Variants in PPCDC observed in about 807,000 individuals in gnomAD.
PPCDC encodes phosphopantothenoylcysteine decarboxylase.
In PPCDC, 20 loss-of-function variants were observed where a neutral mutation model predicts 20.7. That is an observed-to-expected ratio of 0.97 (90% CI 0.68 to 1.41). PPCDC has a LOEUF of 1.41. PPCDC is among the 40% of genes most tolerant of loss of function. The probability of loss-of-function intolerance (pLI) is 0.00; values close to 1 mark genes in which losing one functional copy is unlikely to be tolerated. For synonymous variants in PPCDC, 88 were observed against 100.3 expected, an observed-to-expected ratio of 0.88 and a Z score of 0.73; for missense variants, 246 against 263.8, an observed-to-expected ratio of 0.93 and a Z score of 0.47.
Position 75,049,541 on chromosome 15 carries a change from G to A in PPCDC, c.*306G>A, listed in dbSNP as rs922755127. 4.0e-5 allele frequency: 13 copies of A among 326,342 alleles called. No homozygotes were observed. The highest frequency in any genetic ancestry group is 9.1e-5 in the Admixed American group (2 of 21,898). The allele number at this position is 326,342 out of a possible 1,614,324, so 20.2% of individuals were successfully genotyped here. A position where few individuals can be genotyped will look rare whatever the true frequency, so the allele number is the denominator to read the frequency against. On this transcript the variant is annotated 3_prime_UTR_variant, in exon 6 of 6. Transcript: ENST00000342932. ...GAGGACTGAGCGACTGGGAAAACTC[G>A]GCTCTACATCTCACCCAGAACGGCT...
chr15:75,042,131 A>G (rs555762754), intron 2 of PPCDC, among the ~76,000 whole-genome samples: 46 of 152,356 alleles, frequency 3.0e-4, no homozygotes, highest in African/African-American at 8.9e-4. Context: ...CAGCATGTCT[A>G]TAGGCTGGGT....
chr15:75,028,066 T>A (rs897543872), intron 1 of PPCDC, 181 bp from the exon 2 acceptor site: 4 of 502,544 alleles, frequency 8.0e-6, no homozygotes, highest in Non-Finnish European at 1.1e-5. Context: ...CATCATTCCC[T>A]TGTGACTGGC....
At chr15:75,037,436 A>G (rs1050491231) in intron 2 of PPCDC, among the ~76,000 whole-genome samples, 1 of 152,212 alleles carries the variant, frequency 6.6e-6, no homozygotes, top group South Asian at 2.1e-4. Context: ...CAGTGGTAAC[A>G]TTAGCAGAGG....
Position 75,043,528 on chromosome 15 carries a change from G to T in PPCDC, c.223G>T (p.Glu75Ter). 2 of 1,609,142 alleles carry T rather than the reference G, an allele frequency of 1.2e-6. No homozygotes were observed. Among genetic ancestry groups the T allele is most frequent in the Non-Finnish European group, 1.7e-6 (2 of 1,177,480 alleles). Residue 75 changes from glutamate to a stop codon, truncating the protein, a stop_gained, in exon 3 of 6, where the codon GAA becomes TAA. Coordinates refer to ENST00000342932, the MANE Select transcript of PPCDC (RefSeq NM_021823.5). LOFTEE classifies it high-confidence loss of function. ...IPVTLYSDADEWEIWKSRSDP... is the reference protein window; with the variant it reads ...IPVTLYSDAD ...TGTCACCCTCTACAGCGACGCTGAT[G>T]AATGGGAGGTCAGTGCTGGGGCCCC...
At chr15:75,025,394 C>G (rs1377596891) in intron 1 of PPCDC, among the ~76,000 whole-genome samples, 1 of 152,200 alleles carries the variant, frequency 6.6e-6, no homozygotes, top group Non-Finnish European at 1.5e-5. Flanking sequence ...GCTTTCCTTG[C>G]TCTGTCTTTA....
In PPCDC at chr15:75,032,731, C is replaced by CA. The variant is rs1028946304; in HGVS notation, c.135+4278_135+4279insA. ...TAGGAGCTAGCAAACTGGACCCCCC[C>CA]CCCCAAGGCCAAATTCGGCTCTGCC... is the stretch of plus-strand genomic sequence containing the variant. On this transcript the variant is annotated intron_variant, in intron 2 of 5. Coordinates refer to ENST00000342932, the MANE Select transcript of PPCDC (RefSeq NM_021823.5). Among the ~76,000 whole-genome samples, 68 of 130,488 alleles carry CA rather than the reference C, an allele frequency of 5.2e-4. 7 individuals are homozygous for CA. The highest frequency in any genetic ancestry group is 9.4e-4 in the Non-Finnish European group (59 of 62,600). The allele number at this position is 130,488 out of a possible 152,430, so 85.6% of individuals were successfully genotyped here.
chr15:75,035,348 G>T (rs1766760708), intron 2 of PPCDC, among the ~76,000 whole-genome samples: 1 of 152,168 alleles, frequency 6.6e-6, no homozygotes, highest in South Asian at 2.1e-4. Context: ...CAGGCCATGG[G>T]ATTTGTCTCA....
Position 75,044,697 on chromosome 15 carries a change from C to T in PPCDC, c.360+183C>T, listed in dbSNP as rs1283123604. On this transcript the variant is annotated intron_variant, in intron 4 of 5. Coordinates refer to ENST00000342932, the MANE Select transcript of PPCDC (RefSeq NM_021823.5). ...CCTTCTCTGTAGCACATGGGCACAG[C>T]CCTGGTCCTGATGGGTCAGTGTGAC... 6 of 794,772 alleles carry T rather than the reference C, an allele frequency of 7.5e-6. No homozygotes were observed. In the East Asian group the frequency reaches 1.9e-4, roughly 25 times the overall value. The allele number at this position is 794,772 out of a possible 1,614,324, so 49.2% of individuals were successfully genotyped here.
At chr15:75,039,090 C>G (rs2066120803) in intron 2 of PPCDC, among the ~76,000 whole-genome samples, 1 of 152,128 alleles carries the variant, frequency 6.6e-6, no homozygotes, top group African/African-American at 2.4e-5. Flanking sequence ...TAATCTCTTT[C>G]TTGCTAGAGG....
intron 2 of PPCDC, 40 bp downstream of exon 2, chr15:75,028,493 TGGGAGGCC>T (rs1384328075): frequency 1.2e-5 from 20 of 1,612,844 alleles, no homozygotes; most frequent in Non-Finnish European, 1.6e-5. Context: ...GCCTCCGGCA[TGGGAGGCC>T]GGTGCTCCCG....
intron 3 of PPCDC, 31 bp downstream of exon 3, chr15:75,043,567 A>T (rs1009549322): frequency 2.6e-6 from 4 of 1,541,564 alleles, no homozygotes; most frequent in Non-Finnish European, 2.7e-6. Flanking sequence ...GCTGAGTTCC[A>T]TTGAGTTTCC....
At chr15:75,039,519 TCCTCC>T (rs2066127444) in intron 2 of PPCDC, among the ~76,000 whole-genome samples, 1 of 152,174 alleles carries the variant, frequency 6.6e-6, no homozygotes, top group African/African-American at 2.4e-5. Flanking sequence ...GGTCAGGAAG[TCCTCC>T]TGTATTCAGC....
intron 4 of PPCDC, among the ~76,000 whole-genome samples, chr15:75,046,422 G>A (rs1036612491): frequency 2.0e-5 from 3 of 152,206 alleles, no homozygotes; most frequent in East Asian, 1.9e-4. Flanking sequence ...GCTAAGCCCC[G>A]GCCTGGGCCA....
chr15:75,031,055 C>T (rs1164559274), intron 2 of PPCDC, among the ~76,000 whole-genome samples: 1 of 152,126 alleles, frequency 6.6e-6, no homozygotes, highest in Non-Finnish European at 1.5e-5. Flanking sequence ...ACATTTCTGA[C>T]GCTGGGACCC....
chr15:75,031,341 T>C (rs1457359945), intron 2 of PPCDC, among the ~76,000 whole-genome samples: 1 of 152,128 alleles, frequency 6.6e-6, no homozygotes, highest in Non-Finnish European at 1.5e-5. Context: ...TTCCCTGGGG[T>C]TGGCAGCCTG....
At chr15:75,041,979 G>A (rs909008258) in intron 2 of PPCDC, among the ~76,000 whole-genome samples, 4 of 152,212 alleles carry the variant, frequency 2.6e-5, no homozygotes, top group East Asian at 1.9e-4. Flanking sequence ...AGGGCACCAC[G>A]TCGCTCTCAC....
intron 2 of PPCDC, among the ~76,000 whole-genome samples, chr15:75,036,299 C>T (rs140210835): frequency 6.6e-6 from 1 of 152,320 alleles, no homozygotes; most frequent in East Asian, 1.9e-4. Context: ...CAGCCCTTGG[C>T]TCCCAGGACC....
chr15:75,041,843 T>C (rs2120019), intron 2 of PPCDC, among the ~76,000 whole-genome samples: 47,988 of 151,986 alleles, frequency 0.32, 8,844 homozygotes, highest in East Asian at 0.6. Flanking sequence ...CGCTGTGTCA[T>C]CCACCCTGCC....
Position 75,028,255 on chromosome 15 carries a change from T to A in PPCDC, c.-64T>A. The A allele has an allele frequency of 3.2e-6, 5 of 1,577,470 alleles. No homozygotes were observed. Among genetic ancestry groups the A allele is most frequent in the East Asian group, 2.2e-5 (1 of 44,622 alleles). On this transcript the variant is annotated 5_prime_UTR_variant, in exon 2 of 6. Transcript: ENST00000342932. The stretch of plus-strand genomic sequence containing the variant: ...CCTTGTTCTCCTTTTAGATCCTAAA[T>A]CCCGACAGCTTTATAGAGCCCAGGC...
Sources: gnomAD v4.1 joint callset for allele counts (sites outside exome capture counted in the v4.1 genomes callset) on GRCh38, gnomAD v4.1.1 for gene constraint, MANE v1.5 for transcripts, NCBI Gene and HGNC (gene_info 2026-07-23, HGNC 2026-07-21) for gene names.